LRRC4C: variants seen among roughly 807,000 people sequenced by gnomAD.
LRRC4C encodes leucine-rich repeat-containing protein 4C.
In LRRC4C, 5 loss-of-function variants were observed where a neutral mutation model predicts 33.6. The ratio of observed to expected loss-of-function variants is 0.15; its 90% CI spans 0.08 to 0.31. The LOEUF (loss-of-function observed/expected upper bound fraction) is 0.31. LRRC4C is among the 10% of genes least tolerant of loss of function. The pLI, the probability that LRRC4C is intolerant of heterozygous loss-of-function variation, is 1.00. For missense variants in LRRC4C, 560 were observed against 796.7 expected, an observed-to-expected ratio of 0.70 and a Z score of 3.58; for synonymous variants, 329 against 302.0, an observed-to-expected ratio of 1.09 and a Z score of -0.93.
chr11:40,747,050 C>G (rs993481577), intron 2 of LRRC4C, among the ~76,000 whole-genome samples: 4 of 152,144 alleles, frequency 2.6e-5, no homozygotes. Context: ...AATCATCCTG[C>G]CTTTACCAGC....
intron 1 of LRRC4C, among the ~76,000 whole-genome samples, chr11:41,351,974 C>A (rs538486432): frequency 6.6e-6 from 1 of 152,202 alleles, no homozygotes; most frequent in South Asian, 2.1e-4. Context: ...ACAATCAAGT[C>A]TACAAAATAA....
intron 2 of LRRC4C, among the ~76,000 whole-genome samples, chr11:40,731,189 A>C (rs77159676): frequency 2.0e-5 from 3 of 150,644 alleles, no homozygotes; most frequent in Non-Finnish European, 4.5e-5. Flanking sequence ...CGTGGTGGCA[A>C]GTGCCTGTAG....
intron 6 of LRRC4C, among the ~76,000 whole-genome samples, chr11:40,118,682 A>G (rs1855609328): frequency 6.6e-6 from 1 of 152,166 alleles, no homozygotes; most frequent in Non-Finnish European, 1.5e-5. Flanking sequence ...TCCAGGGAAC[A>G]GTAAAAAGTA....
At chr11:40,567,791 T>G (rs1957826528) in intron 3 of LRRC4C, among the ~76,000 whole-genome samples, 1 of 152,242 alleles carries the variant, frequency 6.6e-6, no homozygotes, top group South Asian at 2.1e-4. Context: ...CTCTAGCATA[T>G]GCTAGTCTCT....
intron 3 of LRRC4C, among the ~76,000 whole-genome samples, chr11:40,475,076 A>T (rs1953140858): frequency 6.6e-6 from 1 of 152,214 alleles, no homozygotes; most frequent in African/African-American, 2.4e-5. Context: ...CAGAAATACC[A>T]TTTGATCCAG....
intron 2 of LRRC4C, among the ~76,000 whole-genome samples, chr11:40,814,144 A>G (rs1951608035): frequency 6.6e-6 from 1 of 152,162 alleles, no homozygotes; most frequent in Non-Finnish European, 1.5e-5. Flanking sequence ...GCCCTGACCT[A>G]TCAGAGGTTC....
At chr11:40,318,159 G>C (rs1945669443) in intron 4 of LRRC4C, among the ~76,000 whole-genome samples, 1 of 152,010 alleles carries the variant, frequency 6.6e-6, no homozygotes, top group South Asian at 2.1e-4. Context: ...CTCCCAGATA[G>C]TAAGCCTATT....
intron 1 of LRRC4C, among the ~76,000 whole-genome samples, chr11:41,376,242 G>A (rs1157644238): frequency 6.6e-6 from 1 of 152,112 alleles, no homozygotes; most frequent in African/African-American, 2.4e-5. Context: ...CTGGCCACAA[G>A]GGAGTGTGCT....
chr11:40,594,065 G>A (rs149823621), intron 3 of LRRC4C, among the ~76,000 whole-genome samples: 1 of 152,272 alleles, frequency 6.6e-6, no homozygotes, highest in Non-Finnish European at 1.5e-5. Flanking sequence ...CTCTTGGCCT[G>A]CTTTGTTTTC....
chr11:40,735,379 T>A (rs1947807121), intron 2 of LRRC4C, among the ~76,000 whole-genome samples: 3 of 146,942 alleles, frequency 2.0e-5, no homozygotes, highest in Non-Finnish European at 1.5e-5. Flanking sequence ...TTCTCATTGT[T>A]CAATTCCGAC....
At chr11:40,884,363 G>A (rs1374233387) in intron 2 of LRRC4C, among the ~76,000 whole-genome samples, 2 of 152,060 alleles carry the variant, frequency 1.3e-5, no homozygotes, top group Non-Finnish European at 2.9e-5. Context: ...AAATAGTGCT[G>A]CAATAAACAT....
chr11:40,443,857 T>C (rs956129934), intron 3 of LRRC4C, among the ~76,000 whole-genome samples: 1 of 152,210 alleles, frequency 6.6e-6, no homozygotes, highest in Non-Finnish European at 1.5e-5. Flanking sequence ...CTAAACATCA[T>C]TAACCACCCT....
intron 2 of LRRC4C, among the ~76,000 whole-genome samples, chr11:40,812,827 ATTTG>A (rs1951549496): frequency 2.0e-5 from 3 of 152,290 alleles, no homozygotes; most frequent in Non-Finnish European, 4.4e-5. Context: ...TCGGTTACCT[ATTTG>A]TTTATAACAC....
intron 1 of LRRC4C, among the ~76,000 whole-genome samples, chr11:41,456,172 T>C (rs1444911991): frequency 2.0e-5 from 3 of 152,180 alleles, no homozygotes; most frequent in African/African-American, 7.2e-5. Flanking sequence ...TTTTCTGTTG[T>C]AGGCTGATGC....
intron 2 of LRRC4C, among the ~76,000 whole-genome samples, chr11:40,721,591 T>A (rs1420767131): frequency 6.6e-6 from 1 of 152,180 alleles, no homozygotes; most frequent in East Asian, 1.9e-4. Flanking sequence ...CCTGGTTGGG[T>A]AGATACCCAA....
intron 3 of LRRC4C, among the ~76,000 whole-genome samples, chr11:40,372,292 A>G (rs1167300133): frequency 6.6e-6 from 1 of 152,206 alleles, no homozygotes; most frequent in Admixed American, 6.6e-5. Flanking sequence ...CCAGACAGCA[A>G]TATAGGTGCC....
chr11:40,297,143 T>C (rs1228792183), intron 4 of LRRC4C, among the ~76,000 whole-genome samples: 2 of 152,224 alleles, frequency 1.3e-5, no homozygotes, highest in East Asian at 3.8e-4. Flanking sequence ...ATTCAGTAAC[T>C]TTGCTTAAAA....
rs1212451307 is a variant in LRRC4C, at chr11:40,656,475, T to C, written c.-406-8197A>G. Among the ~76,000 whole-genome samples, 3 of 150,040 alleles carry C rather than the reference T, an allele frequency of 2.0e-5. No homozygotes were observed. The East Asian group carries it at 6.3e-4, about 31-fold the overall frequency. On this transcript the variant is annotated intron_variant, in intron 2 of 6. Transcript: ENST00000528697. ...CTTGTATTACAGAAGTGGGTCACTT[T>C]TTTTTTTTTTTTGAAAAAGGCAATA... is the stretch of plus-strand genomic sequence containing the variant.
At chr11:40,777,662 C>A (rs1373563001) in intron 2 of LRRC4C, among the ~76,000 whole-genome samples, 1 of 151,608 alleles carries the variant, frequency 6.6e-6, no homozygotes, top group South Asian at 2.1e-4. Context: ...TTAAAGACAG[C>A]AGACAAATGG....
Sources: allele counts gnomAD v4.1 joint callset (sites outside exome capture counted in the v4.1 genomes callset), GRCh38; gene constraint gnomAD v4.1.1; transcripts MANE v1.5; gene names NCBI Gene and HGNC (gene_info 2026-07-23, HGNC 2026-07-21).